Variants in CSGALNACT1 observed in about 807,000 individuals in gnomAD.
The protein encoded by CSGALNACT1 is beta4GalNAcT-1.
CSGALNACT1 carries 52 observed loss-of-function variants against 51.0 expected under a neutral mutation model. The ratio of observed to expected loss-of-function variants is 1.02; its 90% CI spans 0.82 to 1.29. The LOEUF is 1.29. Ranked by LOEUF, CSGALNACT1 falls within the 50% of genes most tolerant of loss-of-function variation. CSGALNACT1 has a pLI of 0.00. For synonymous variants in CSGALNACT1, 341 were observed against 254.4 expected, an observed-to-expected ratio of 1.34 and a Z score of -3.24; for missense variants, 935 against 679.2, an observed-to-expected ratio of 1.38 and a Z score of -4.19.
intron 3 of CSGALNACT1, among the ~76,000 whole-genome samples, chr8:19,577,366 C>A (rs1730955176): frequency 6.8e-6 from 1 of 146,902 alleles, no homozygotes; most frequent in Non-Finnish European, 1.5e-5. Context: ...GGTTTGAGAG[C>A]AGCACCTAGA....
chr8:19,452,843 A>C (rs1412474458), intron 5 of CSGALNACT1, among the ~76,000 whole-genome samples: 1 of 152,048 alleles, frequency 6.6e-6, no homozygotes, highest in Non-Finnish European at 1.5e-5. Context: ...GAAGAGCCAC[A>C]AGAAAAGGGA....
At chr8:19,499,967 A>G (rs965728779) in intron 4 of CSGALNACT1, among the ~76,000 whole-genome samples, 1 of 152,206 alleles carries the variant, frequency 6.6e-6, no homozygotes, top group East Asian at 1.9e-4. Flanking sequence ...TTCATTCTAC[A>G]AAGTACAGCC....
chr8:19,651,915 G>GT (rs113483995), intron 1 of CSGALNACT1, among the ~76,000 whole-genome samples: 8,778 of 109,574 alleles, frequency 0.08, 464 homozygotes, highest in African/African-American at 0.16. Flanking sequence ...CTCGCTGTCT[G>GT]TTTTTTTTTG....
chr8:19,471,001 C>T (rs2068017244), intron 4 of CSGALNACT1, among the ~76,000 whole-genome samples: 1 of 152,040 alleles, frequency 6.6e-6, no homozygotes, highest in African/African-American at 2.4e-5. Context: ...GAGGCTGAGG[C>T]ACGAGAGTCG....
Position 19,667,623 on chromosome 8 carries a change from A to G in CSGALNACT1, c.-544+14850T>C, listed in dbSNP as rs146896727. 3.0e-4 allele frequency among the ~76,000 whole-genome samples: 46 copies of G among 152,328 alleles called. No individual in the cohort carries two copies. The East Asian group carries it at 4.2e-3, about 14-fold the overall frequency. On this transcript the variant is annotated intron_variant, in intron 1 of 9. Coordinates refer to the CSGALNACT1 transcript ENST00000332246. Reference sequence around the variant, plus strand: ...TCAAGGCCCTTAATGCAACATGACCACAAAACGGCAGTAAGGAGAAGGTAC... The same window carrying G: ...TCAAGGCCCTTAATGCAACATGACCGCAAAACGGCAGTAAGGAGAAGGTAC...
At chr8:19,450,219 G>C (rs1219923311) in intron 5 of CSGALNACT1, among the ~76,000 whole-genome samples, 1 of 77,918 alleles carries the variant, frequency 1.3e-5, no homozygotes, top group Non-Finnish European at 2.5e-5. Context: ...GCGGGAGGAA[G>C]AGGGAGGGGG....
At chr8:19,741,604 G>A (rs978316886) in intron 1 of CSGALNACT1, among the ~76,000 whole-genome samples, 4 of 151,540 alleles carry the variant, frequency 2.6e-5, no homozygotes, top group Admixed American at 1.3e-4. Flanking sequence ...AAAGAGTCGG[G>A]GAGCTGATCC....
exon 10 of CSGALNACT1, chr8:19,404,874 G>A (rs781004107): frequency 7.0e-5 from 32 of 454,372 alleles, no homozygotes; most frequent in East Asian, 1.4e-4. Context: ...GCTCCTCTTC[G>A]AAAATACTCT....
intron 1 of CSGALNACT1, among the ~76,000 whole-genome samples, chr8:19,675,225 C>G (rs1357672475): frequency 6.6e-6 from 1 of 152,152 alleles, no homozygotes; most frequent in Non-Finnish European, 1.5e-5. Context: ...TACCTGAGAA[C>G]TAGGAAAACA....
chr8:19,557,503 C>T (rs1398236687), intron 3 of CSGALNACT1, among the ~76,000 whole-genome samples: 1 of 152,172 alleles, frequency 6.6e-6, no homozygotes, highest in African/African-American at 2.4e-5. Flanking sequence ...CTCAAAGCCC[C>T]CACACTTCCC....
chr8:19,632,419 G>T (rs1459235740), intron 1 of CSGALNACT1, among the ~76,000 whole-genome samples: 2 of 152,260 alleles, frequency 1.3e-5, no homozygotes, highest in African/African-American at 4.8e-5. Flanking sequence ...TAATTAGGTG[G>T]CAAAGATGCC....
upstream of CSGALNACT1, among the ~76,000 whole-genome samples, chr8:19,684,947 T>C (rs1589506375): frequency 6.6e-6 from 1 of 152,216 alleles, no homozygotes. Flanking sequence ...CCTGGATCCA[T>C]CCCTGTTCCC....
At chr8:19,529,628 T>C (rs1027854416) in intron 3 of CSGALNACT1, among the ~76,000 whole-genome samples, 8 of 152,146 alleles carry the variant, frequency 5.3e-5, no homozygotes, top group African/African-American at 1.7e-4. Context: ...TAAGGGAAAA[T>C]GTGTCTATTC....
At chr8:19,636,186 T>C (rs544240865) in intron 1 of CSGALNACT1, among the ~76,000 whole-genome samples, 1 of 152,134 alleles carries the variant, frequency 6.6e-6, no homozygotes, top group Non-Finnish European at 1.5e-5. Flanking sequence ...ATAAGGTATT[T>C]TGAGAGAGTT....
intron 1 of CSGALNACT1, among the ~76,000 whole-genome samples, chr8:19,644,623 T>C (rs541313457): frequency 2.5e-4 from 37 of 149,450 alleles, no homozygotes; most frequent in Non-Finnish European, 5.9e-5. Flanking sequence ...GACAGGAGAA[T>C]TGCTTGAACC....
At chr8:19,457,549 G>T (rs1451679290) in intron 5 of CSGALNACT1, 2 of 574,950 alleles carry the variant, frequency 3.5e-6, no homozygotes, top group Middle Eastern at 5.3e-4. Flanking sequence ...GGAGGTGAAG[G>T]TTGCAGTGAG....
intron 4 of CSGALNACT1, among the ~76,000 whole-genome samples, chr8:19,499,045 G>A (rs1428856305): frequency 2.0e-5 from 3 of 152,188 alleles, no homozygotes. Context: ...AGCCCAGGAA[G>A]TTGAGGCTAC....
intron 3 of CSGALNACT1, among the ~76,000 whole-genome samples, chr8:19,517,792 A>G (rs987025442): frequency 2.0e-5 from 3 of 152,168 alleles, no homozygotes; most frequent in Non-Finnish European, 4.4e-5. Flanking sequence ...TGATTCAATT[A>G]TCTCCCACCA....
At chr8:19,405,722 A>C (rs1211931062) in exon 10 of CSGALNACT1, 1 of 1,606,566 alleles carries the variant, frequency 6.2e-7, no homozygotes, top group South Asian at 1.1e-5. Flanking sequence ...TGTTGCAGCC[A>C]CTTTCAGTAA....
Sources: gnomAD v4.1 joint callset for allele counts (sites outside exome capture counted in the v4.1 genomes callset) on GRCh38, gnomAD v4.1.1 for gene constraint, MANE v1.5 for transcripts, NCBI Gene and HGNC (gene_info 2026-07-23, HGNC 2026-07-21) for gene names.